NOX4: variants seen among roughly 807,000 people sequenced by gnomAD.
NOX4 encodes the protein NADPH oxidase 4, also known as kidney oxidase-1.
Under a neutral mutation model 87.6 loss-of-function variants are expected in NOX4, and 69 were observed. That is an observed-to-expected ratio of 0.79 (90% confidence interval 0.65 to 0.96). NOX4 has a LOEUF of 0.96. NOX4 is among the 40% of genes least tolerant of loss of function. The pLI is 0.00. For synonymous variants in NOX4, 275 were observed against 238.2 expected, an observed-to-expected ratio of 1.15 and a Z score of -1.42; for missense variants, 680 against 681.5, an observed-to-expected ratio of 1.00 and a Z score of 0.02.
chr11:89,390,328 T>A (rs1307314187), intron 11 of NOX4, among the ~76,000 whole-genome samples: 3 of 152,174 alleles, frequency 2.0e-5, no homozygotes, highest in Admixed American at 1.3e-4. Flanking sequence ...TGAGCGAGCT[T>A]GTAACCCCCC....
intron 2 of NOX4, among the ~76,000 whole-genome samples, chr11:89,483,750 T>C (rs1325462092): frequency 3.9e-5 from 6 of 152,144 alleles, no homozygotes; most frequent in Non-Finnish European, 7.4e-5. Context: ...CAGTAGATTT[T>C]CTGCTTTTAT....
chr11:89,337,064 G>T (rs1945744598), intron 16 of NOX4, among the ~76,000 whole-genome samples: 1 of 151,920 alleles, frequency 6.6e-6, no homozygotes, highest in Non-Finnish European at 1.5e-5. Flanking sequence ...AATGCATGAT[G>T]GCTATCATTA....
intron 2 of NOX4, among the ~76,000 whole-genome samples, chr11:89,486,511 TAC>T (rs1249104104): frequency 1.4e-5 from 2 of 146,896 alleles, no homozygotes; most frequent in Non-Finnish European, 3.0e-5. Flanking sequence ...TACACATATA[TAC>T]ACATACATAT....
At chr11:89,339,410 G>A (rs1945874839) in intron 15 of NOX4, among the ~76,000 whole-genome samples, 1 of 152,112 alleles carries the variant, frequency 6.6e-6, no homozygotes, top group African/African-American at 2.4e-5. Context: ...AGTTACCTCT[G>A]TTTACATAGA....
chr11:89,337,716 G>A (rs1590955329), intron 15 of NOX4, among the ~76,000 whole-genome samples: 1 of 152,080 alleles, frequency 6.6e-6, no homozygotes, highest in African/African-American at 2.4e-5. Context: ...TGGCCTCTTG[G>A]TATTAATTAG....
intron 3 of NOX4, among the ~76,000 whole-genome samples, chr11:89,451,358 T>C (rs1187343167): frequency 6.6e-6 from 1 of 152,130 alleles, no homozygotes; most frequent in Non-Finnish European, 1.5e-5. Flanking sequence ...TGGATTTAGC[T>C]AAGTGAAAAT....
chr11:89,448,652 C>A (rs1944816191), intron 4 of NOX4, among the ~76,000 whole-genome samples: 3 of 152,004 alleles, frequency 2.0e-5, no homozygotes, highest in African/African-American at 7.2e-5. Flanking sequence ...GAGGCTGAGG[C>A]AAGCAAATTG....
At chr11:89,398,719 C>T (rs1266903824) in intron 11 of NOX4, among the ~76,000 whole-genome samples, 1 of 151,498 alleles carries the variant, frequency 6.6e-6, no homozygotes, top group African/African-American at 2.4e-5. Context: ...TGCTATCTTT[C>T]TTAAGTATAC....
rs187549774 is a variant in NOX4 at position 89,368,159 on chromosome 11, A to G, written c.1135+5273T>C. Reference sequence around the variant, plus strand: ...TTGTTATAATTATTATAAAATAATCATATATCTTTAACTTATATCTTCTTC... The same window carrying G: ...TTGTTATAATTATTATAAAATAATCGTATATCTTTAACTTATATCTTCTTC... On this transcript the variant is annotated intron_variant, in intron 12 of 17. Transcript: ENST00000263317. 7.2e-5 allele frequency among the ~76,000 whole-genome samples: 11 copies of G among 151,922 alleles called. No homozygotes were observed. In the East Asian group the frequency reaches 1.9e-3, roughly 27 times the overall value.
Position 89,444,079 on chromosome 11 carries a change from C to G in NOX4, c.447+56G>C, listed in dbSNP as rs1161918742. ...AATTTTCAGGGAAAAATCACAGACCCTCATTAGTCATCTCATGACAAGTGA... is the reference window on the plus strand; with the variant it reads ...AATTTTCAGGGAAAAATCACAGACCGTCATTAGTCATCTCATGACAAGTGA... On this transcript the variant is annotated intron_variant, in intron 5 of 17. Transcript: ENST00000263317. 81 of 1,451,900 alleles carry G rather than the reference C, an allele frequency of 5.6e-5. No individual in the cohort carries two copies. In the East Asian group the frequency reaches 1.8e-3, roughly 32 times the overall value. 89.9% of individuals were successfully genotyped at this position (1,451,900 alleles called of 1,614,324 possible).
intron 11 of NOX4, 110 bp from the exon 12 acceptor site, chr11:89,373,602 G>A: frequency 2.8e-6 from 2 of 706,046 alleles, no homozygotes; most frequent in Non-Finnish European, 5.0e-6. Context: ...ATAGATAACA[G>A]GAAGGAACAG....
At position 89,342,103 on chromosome 11, in the gene NOX4, A is replaced by C. The variant is rs752838155; in HGVS notation, c.1308T>G (p.Thr436=). 3 of 1,613,306 alleles carry C rather than the reference A, an allele frequency of 1.9e-6. No individual in the cohort carries two copies. The highest frequency in any genetic ancestry group is 2.2e-5 in the South Asian group (2 of 91,062). ...GGGTGTTGAGTATTGATGCAAATGG[A>C]GTTACTCCAATGCCTCCAGCCACGC... ...SLCVAGGIGV[T]PFASILNTLL... is the part of the protein sequence containing the mutation. The change falls in exon 14 of 18, where the codon ACT becomes ACG. Residue 436 remains threonine, a synonymous_variant. Transcript: ENST00000263317.
chr11:89,436,661 C>T (rs1944095834), intron 6 of NOX4, among the ~76,000 whole-genome samples: 1 of 151,896 alleles, frequency 6.6e-6, no homozygotes, highest in African/African-American at 2.4e-5. Flanking sequence ...AGAAATATAC[C>T]ATTATCTATT....
intron 13 of NOX4, among the ~76,000 whole-genome samples, chr11:89,346,862 G>A (rs1946236071): frequency 6.6e-6 from 1 of 152,170 alleles, no homozygotes; most frequent in Admixed American, 6.5e-5. Context: ...TGATGACAGG[G>A]TTTAGCCTTG....
At chr11:89,416,503 C>T (rs1193014702) in intron 8 of NOX4, among the ~76,000 whole-genome samples, 1 of 152,150 alleles carries the variant, frequency 6.6e-6, no homozygotes, top group Non-Finnish European at 1.5e-5. Context: ...TATCTCTATC[C>T]TCTAACAGTA....
chr11:89,530,013 T>C, the NOX4 span, among the ~76,000 whole-genome samples: 134 of 152,248 alleles, frequency 8.8e-4, no homozygotes, highest in Non-Finnish European at 1.7e-3. Context: ...TAGCACTCAC[T>C]GTGTCCTAGC....
chr11:89,532,982 C>A, the NOX4 span, among the ~76,000 whole-genome samples: 24 of 152,210 alleles, frequency 1.6e-4, no homozygotes, highest in African/African-American at 5.5e-4. Context: ...CCCAGACATG[C>A]GGATCAGTGA....
intron 3 of NOX4, among the ~76,000 whole-genome samples, chr11:89,451,303 A>G (rs2135387706): frequency 6.6e-6 from 1 of 152,316 alleles, no homozygotes; most frequent in South Asian, 2.1e-4. Flanking sequence ...ACCAGCAATC[A>G]TTTCATGTAT....
At chr11:89,363,901 G>A (rs1056227222) in intron 12 of NOX4, among the ~76,000 whole-genome samples, 15 of 152,052 alleles carry the variant, frequency 9.9e-5, no homozygotes, top group African/African-American at 3.1e-4. Flanking sequence ...ATTGGTTTCA[G>A]ATAAACATGA....
Sources: allele counts gnomAD v4.1 joint callset (sites outside exome capture counted in the v4.1 genomes callset), GRCh38; gene constraint gnomAD v4.1.1; transcripts MANE v1.5; gene names NCBI Gene and HGNC (gene_info 2026-07-23, HGNC 2026-07-21).